Variants in RNF150 observed in about 807,000 individuals in gnomAD.
The protein encoded by RNF150 is ring finger protein 150.
Under a neutral mutation model 39.3 loss-of-function variants are expected in RNF150, and 24 were observed. The ratio of observed to expected loss-of-function variants is 0.61; its 90% confidence interval spans 0.44 to 0.86. The LOEUF is 0.86. RNF150 is among the 40% of genes least tolerant of loss of function. RNF150 has a pLI of 0.00. For missense variants in RNF150, 502 were observed against 587.8 expected, an observed-to-expected ratio of 0.85 and a Z score of 1.51; for synonymous variants, 255 against 227.3, an observed-to-expected ratio of 1.12 and a Z score of -1.10.
chr4:140,936,832 T>C (rs11934162), intron 4 of RNF150, among the ~76,000 whole-genome samples: 2,353 of 152,250 alleles, frequency 0.015, 67 homozygotes, highest in African/African-American at 0.052. Flanking sequence ...TATGATATGA[T>C]ATAAAAAGAA....
At chr4:140,969,420 T>C (rs1733371616) in intron 1 of RNF150, among the ~76,000 whole-genome samples, 1 of 152,126 alleles carries the variant, frequency 6.6e-6, no homozygotes, top group African/African-American at 2.4e-5. Flanking sequence ...ACTGGCAATT[T>C]TGACGCGCCT....
Position 140,870,839 on chromosome 4 carries a change from C to T in RNF150, c.1199-2460G>A, listed in dbSNP as rs148342287. On this transcript the variant is annotated intron_variant, in intron 6 of 6. Coordinates refer to ENST00000515673, the MANE Select transcript of RNF150 (RefSeq NM_020724.2). ...TGTCTCTTCTTGCATTTTCCCTGTC[C>T]ATGTCGTGCTCTGTCTTTAAAAAAA... Among the ~76,000 whole-genome samples the T allele has an allele frequency of 9.3e-5, 14 of 150,946 alleles. No individual in the cohort carries two copies. The East Asian group carries it at 2.5e-3, about 27-fold the overall frequency.
chr4:140,991,651 A>G (rs1734201332), intron 1 of RNF150, among the ~76,000 whole-genome samples: 1 of 152,230 alleles, frequency 6.6e-6, no homozygotes, highest in Non-Finnish European at 1.5e-5. Flanking sequence ...AACCTTAAAT[A>G]GGATTCTAAT....
In RNF150 at chr4:140,899,762, A is replaced by G. The variant is rs559487642; in HGVS notation, c.1198+11382T>C. On this transcript the variant is annotated intron_variant, in intron 6 of 6. Coordinates refer to ENST00000515673, the MANE Select transcript of RNF150 (RefSeq NM_020724.2). ...AATTGTGTCCTGGAGAGATGTGGGG[A>G]GGAGAATCTGGCTAAATCACTTCAG... Among the ~76,000 whole-genome samples, 224 of 152,216 alleles carry G rather than the reference A, an allele frequency of 1.5e-3. 2 individuals are homozygous for G. Among genetic ancestry groups the G allele is most frequent in the Non-Finnish European group, 2.3e-3 (159 of 68,014 alleles).
intron 6 of RNF150, among the ~76,000 whole-genome samples, chr4:140,869,997 T>C (rs1018758679): frequency 6.6e-6 from 1 of 152,218 alleles, no homozygotes; most frequent in Non-Finnish European, 1.5e-5. Flanking sequence ...ATAATGGTTA[T>C]AATACTTTTG....
intron 1 of RNF150, among the ~76,000 whole-genome samples, chr4:140,995,908 AGCTACTGTAAACAGT>A (rs1734351724): frequency 6.6e-6 from 1 of 152,120 alleles, no homozygotes. Flanking sequence ...TCCAAATCTT[AGCTACTGTAAACAGT>A]GCTGCAAGAA....
At chr4:141,127,796 T>C (rs1560751774) in intron 1 of RNF150, among the ~76,000 whole-genome samples, 1 of 152,162 alleles carries the variant, frequency 6.6e-6, no homozygotes, top group Non-Finnish European at 1.5e-5. Flanking sequence ...CTGTTGATTA[T>C]GTACTAGCAA....
chr4:140,917,094 A>G (rs1350159103), intron 5 of RNF150, among the ~76,000 whole-genome samples: 1 of 152,230 alleles, frequency 6.6e-6, no homozygotes, highest in Non-Finnish European at 1.5e-5. Flanking sequence ...AAACATGCCA[A>G]ATTGTAAAGA....
At chr4:141,033,872 ATCCATGCTTTGTTAT>A (rs1736044328) in intron 1 of RNF150, among the ~76,000 whole-genome samples, 1 of 152,210 alleles carries the variant, frequency 6.6e-6, no homozygotes, top group Non-Finnish European at 1.5e-5. Context: ...ATACACCATC[ATCCATGCTTTGTTAT>A]TCCATGAATA....
chr4:141,190,027 G>C (rs1728077470), intron 1 of RNF150, among the ~76,000 whole-genome samples: 1 of 151,674 alleles, frequency 6.6e-6, no homozygotes, highest in East Asian at 1.9e-4. Flanking sequence ...CCCTGGACCA[G>C]ATAGCACAGT....
intron 1 of RNF150, among the ~76,000 whole-genome samples, chr4:141,061,199 A>C (rs1737211347): frequency 6.6e-6 from 1 of 152,128 alleles, no homozygotes; most frequent in African/African-American, 2.4e-5. Flanking sequence ...GCTTTGTATC[A>C]TCTCTGATAT....
intron 1 of RNF150, among the ~76,000 whole-genome samples, chr4:141,056,724 G>A (rs1264439271): frequency 3.3e-5 from 5 of 151,914 alleles, no homozygotes; most frequent in African/African-American, 4.8e-5. Context: ...AGGGAAAAAC[G>A]CCTCTTGTTC....
intron 1 of RNF150, among the ~76,000 whole-genome samples, chr4:140,975,527 C>T (rs1733631486): frequency 6.6e-6 from 1 of 152,158 alleles, no homozygotes; most frequent in Non-Finnish European, 1.5e-5. Context: ...AGAATCTTCC[C>T]TTAATATTTG....
intron 1 of RNF150, among the ~76,000 whole-genome samples, chr4:141,148,254 G>A (rs192791611): frequency 5.3e-5 from 8 of 152,230 alleles, no homozygotes. Context: ...TTGAGCATGA[G>A]CAAAGTTAGT....
intron 1 of RNF150, among the ~76,000 whole-genome samples, chr4:141,157,337 C>T (rs1465748849): frequency 6.6e-6 from 1 of 152,112 alleles, no homozygotes; most frequent in African/African-American, 2.4e-5. Context: ...TCCCTTTGGC[C>T]TGGGTTTGAT....
In RNF150 at chr4:140,921,040, C is replaced by T. The variant is rs1329100875; in HGVS notation, c.987+4937G>A. Among the ~76,000 whole-genome samples, 49 of 150,404 alleles carry T rather than the reference C, an allele frequency of 3.3e-4. No individual in the cohort carries two copies. In the South Asian group the frequency reaches 3.4e-3, roughly 11 times the overall value. ...CATCACACTCTGGGGACTGTTGTGG[C>T]GTGGGAGGAGGGATAGCATTAGGAG... is the stretch of plus-strand genomic sequence containing the variant. On this transcript the variant is annotated intron_variant, in intron 5 of 6. Coordinates refer to ENST00000515673, the MANE Select transcript of RNF150 (RefSeq NM_020724.2).
chr4:141,044,080 GA>G (rs1438458583), intron 1 of RNF150, among the ~76,000 whole-genome samples: 1 of 152,120 alleles, frequency 6.6e-6, no homozygotes, highest in African/African-American at 2.4e-5. Context: ...TTCTTCATGT[GA>G]TTTAAACACA....
chr4:140,910,788 C>T (rs2034257677), intron 6 of RNF150, among the ~76,000 whole-genome samples: 1 of 152,156 alleles, frequency 6.6e-6, no homozygotes, highest in African/African-American at 2.4e-5. Context: ...TGCTGAGCAC[C>T]CCTTGTAGTT....
At chr4:140,920,785 C>A (rs957935185) in intron 5 of RNF150, among the ~76,000 whole-genome samples, 7 of 151,650 alleles carry the variant, frequency 4.6e-5, no homozygotes, top group Admixed American at 1.3e-4. Flanking sequence ...TTGGAACCAA[C>A]CCAAATGTCC....
Sources: gnomAD v4.1 joint callset for allele counts (sites outside exome capture counted in the v4.1 genomes callset) on GRCh38, gnomAD v4.1.1 for gene constraint, MANE v1.5 for transcripts, NCBI Gene and HGNC (gene_info 2026-07-23, HGNC 2026-07-21) for gene names.